The following LSM8 variants were observed in gnomAD, a reference collection of about 807,000 sequenced individuals.
LSM8 encodes the protein LSM8 U6 small nuclear RNA associated.
In LSM8, 14 loss-of-function variants were observed where a neutral mutation model predicts 15.0. The ratio of observed to expected loss-of-function variants is 0.93; its 90% confidence interval spans 0.62 to 1.46. The LOEUF is 1.46. LSM8 is among the 40% of genes most tolerant of loss of function. The pLI, the probability that LSM8 is intolerant of heterozygous loss-of-function variation, is 0.00. For synonymous variants in LSM8, 50 were observed against 42.1 expected, an observed-to-expected ratio of 1.19 and a Z score of -0.73; for missense variants, 90 against 115.4, an observed-to-expected ratio of 0.78 and a Z score of 1.01.
chr7:118,192,900 T>C lies in LSM8; in HGVS notation c.*898T>C, dbSNP rs1248501416. 6.6e-6 allele frequency: 1 copy of C among 152,174 alleles called. No homozygotes were observed. Among genetic ancestry groups the C allele is most frequent in the Admixed American group, 6.5e-5 (1 of 15,280 alleles). 9.4% of individuals were successfully genotyped at this position (152,174 alleles called of 1,614,324 possible). A position where few individuals can be genotyped will look rare whatever the true frequency, so the allele number is the denominator to read the frequency against. ...AAACCTGATTTCAGAAGACGTCAAC[T>C]CAGTTTTTTAAATAATTGAAAGAAA... On this transcript the variant is annotated 3_prime_UTR_variant, in exon 4 of 4. Transcript: ENST00000249299.
At position 118,203,610 on chromosome 7, in the gene LSM8, A is replaced by G; in HGVS notation, c.*11608A>G. On this transcript the variant is annotated 3_prime_UTR_variant, in exon 4 of 4. Coordinates refer to ENST00000249299, the MANE Select transcript of LSM8 (RefSeq NM_016200.5). Reference sequence around the variant, plus strand: ...AAGTCAGTGATGTCTCCAAAAGGCAAAGGGAAGTGTACCAATTTTTGGAGC... The same window carrying G: ...AAGTCAGTGATGTCTCCAAAAGGCAGAGGGAAGTGTACCAATTTTTGGAGC... Among the ~76,000 whole-genome samples the G allele has an allele frequency of 6.6e-6, 1 of 151,912 alleles. No individual in the cohort carries two copies. Among genetic ancestry groups the G allele is most frequent in the African/African-American group, 2.4e-5 (1 of 41,526 alleles).
chr7:118,196,572 A>T lies in LSM8; in HGVS notation c.*4570A>T, dbSNP rs1360402606. ...AAGGAGCTGAGAATTGTTCTTCCAGATACCTTTCCGACCTCTTCTTGGTTT... is the reference window on the plus strand; with the variant it reads ...AAGGAGCTGAGAATTGTTCTTCCAGTTACCTTTCCGACCTCTTCTTGGTTT... On this transcript the variant is annotated 3_prime_UTR_variant, in exon 4 of 4. Coordinates refer to ENST00000249299, the MANE Select transcript of LSM8 (RefSeq NM_016200.5). Among the ~76,000 whole-genome samples the T allele has an allele frequency of 2.0e-5, 3 of 151,696 alleles. No homozygotes were observed. Among genetic ancestry groups the T allele is most frequent in the Non-Finnish European group, 4.4e-5 (3 of 67,942 alleles).
In LSM8 at chr7:118,200,437, A is replaced by C. The variant is rs1309664467; in HGVS notation, c.*8435A>C. Among the ~76,000 whole-genome samples the C allele has an allele frequency of 6.6e-6, 1 of 152,136 alleles. No homozygotes were observed. Among genetic ancestry groups the C allele is most frequent in the Non-Finnish European group, 1.5e-5 (1 of 68,004 alleles). The stretch of plus-strand genomic sequence containing the variant: ...GGTTTTTCAGAGCAATATTCACATG[A>C]CATCTTTCGGATCTGGAATCTTAAT... On this transcript the variant is annotated 3_prime_UTR_variant, in exon 4 of 4. Transcript: ENST00000249299.
In LSM8 at chr7:118,194,839, TA is replaced by T. The variant is rs1264034373; in HGVS notation, c.*2838del. Among the ~76,000 whole-genome samples, 1 of 152,104 alleles carries T rather than the reference TA, an allele frequency of 6.6e-6. No individual in the cohort carries two copies. Among genetic ancestry groups the T allele is most frequent in the Non-Finnish European group, 1.5e-5 (1 of 68,000 alleles). On this transcript the variant is annotated 3_prime_UTR_variant, in exon 4 of 4. Coordinates refer to ENST00000249299, the MANE Select transcript of LSM8 (RefSeq NM_016200.5). ...TAGTAGGTAGTATTTATTGAGTGCATATCATGTGCCAGGCCTGGTGCTGAGT... is the reference window on the plus strand; with the variant it reads ...TAGTAGGTAGTATTTATTGAGTGCATTCATGTGCCAGGCCTGGTGCTGAGT...
rs2115915980 is a variant in LSM8 at position 118,188,305 on chromosome 7, A to G, written c.100A>G (p.Ile34Val). 1 of 1,613,670 alleles carries G rather than the reference A, an allele frequency of 6.2e-7. No individual in the cohort carries two copies. The highest frequency in any genetic ancestry group is 2.2e-5 in the East Asian group (1 of 44,854). Residue 34 changes from isoleucine to valine, a missense_variant, in exon 3 of 4, where the codon ATT (isoleucine) becomes GTT (valine). Transcript: ENST00000249299. ...AACACTGAAAGGTTTTGACCAGACCATTAATTTGATTTTGGATGAAAGCCA... is the reference window on the plus strand; with the variant it reads ...AACACTGAAAGGTTTTGACCAGACCGTTAATTTGATTTTGGATGAAAGCCA... ...VGTLKGFDQTINLILDESHER... is the reference protein window; with the variant it reads ...VGTLKGFDQTVNLILDESHER...
At chr7:118,188,523 A>T in intron 3 of LSM8, 118 bp downstream of exon 3, 1 of 909,988 alleles carries the variant, frequency 1.1e-6, no homozygotes, top group Admixed American at 3.3e-5. Flanking sequence ...TCTTGCATTC[A>T]TTTCTTTCGT....
chr7:118,199,716 A>G lies in LSM8; in HGVS notation c.*7714A>G, dbSNP rs1359823396. Among the ~76,000 whole-genome samples, 1 of 152,144 alleles carries G rather than the reference A, an allele frequency of 6.6e-6. No homozygotes were observed. Among genetic ancestry groups the G allele is most frequent in the African/African-American group, 2.4e-5 (1 of 41,454 alleles). On this transcript the variant is annotated 3_prime_UTR_variant, in exon 4 of 4. Coordinates refer to ENST00000249299, the MANE Select transcript of LSM8 (RefSeq NM_016200.5). ...AGATGTAACCAAAGACTTAAAAGAT[A>G]CTAGTCTTTAAGACAGGCTTTGAGA...
intron 2 of LSM8, 39 bp from the exon 3 acceptor site, chr7:118,188,239 A>G: frequency 1.2e-6 from 2 of 1,605,466 alleles, no homozygotes; most frequent in South Asian, 2.2e-5. Context: ...CAGGTAAACC[A>G]GAATATTTCT....
Position 118,201,043 on chromosome 7 carries a change from G to A in LSM8, c.*9041G>A, listed in dbSNP as rs143970196. Among the ~76,000 whole-genome samples, 52 of 152,100 alleles carry A rather than the reference G, an allele frequency of 3.4e-4. No individual in the cohort carries two copies. Among genetic ancestry groups the A allele is most frequent in the African/African-American group, 1.2e-3 (50 of 41,526 alleles). On this transcript the variant is annotated 3_prime_UTR_variant, in exon 4 of 4. Transcript: ENST00000249299. ...CTTGTGCTAGGTTGTAGTTTTGCTT[G>A]TATCACTCATAGTTACTAAAAATGC...
At chr7:118,191,735 G>T in intron 3 of LSM8, 177 bp from the exon 4 acceptor site, 1 of 532,854 alleles carries the variant, frequency 1.9e-6, no homozygotes, top group Non-Finnish European at 3.3e-6. Flanking sequence ...ACTTAAATAT[G>T]CAGTTCACTG....
intron 2 of LSM8, among the ~76,000 whole-genome samples, chr7:118,186,158 A>C (rs994255787): frequency 2.0e-5 from 3 of 151,770 alleles, no homozygotes; most frequent in African/African-American, 7.3e-5. Flanking sequence ...CATTATGATG[A>C]TTGACTCTCT....
chr7:118,184,477 C>A (rs1808849731), intron 1 of LSM8: 1 of 457,812 alleles, frequency 2.2e-6, no homozygotes, highest in Non-Finnish European at 3.8e-6. Flanking sequence ...CAAATAAAAA[C>A]CCAGTGTGAT....
chr7:118,202,106 G>A lies in LSM8; in HGVS notation c.*10104G>A, dbSNP rs559426109. Among the ~76,000 whole-genome samples, 1 of 152,192 alleles carries A rather than the reference G, an allele frequency of 6.6e-6. No individual in the cohort carries two copies. The highest frequency in any genetic ancestry group is 1.9e-4 in the East Asian group (1 of 5,186). ...CATTCTGGCTGACTGCCTCATCAAT[G>A]CTATTTAATAACAGAATTCTGGGGA... On this transcript the variant is annotated 3_prime_UTR_variant, in exon 4 of 4. Transcript: ENST00000249299.
chr7:118,194,067 G>GT lies in LSM8; in HGVS notation c.*2069dup, dbSNP rs1412686243. Among the ~76,000 whole-genome samples, 1 of 152,088 alleles carries GT rather than the reference G, an allele frequency of 6.6e-6. No individual in the cohort carries two copies. The highest frequency in any genetic ancestry group is 2.4e-5 in the African/African-American group (1 of 41,442). The stretch of plus-strand genomic sequence containing the variant: ...CCTGGATACAAGCACATGGTGGACT[G>GT]TTTTCTCACAACCGATTAAAATTGG... On this transcript the variant is annotated 3_prime_UTR_variant, in exon 4 of 4. Coordinates refer to ENST00000249299, the MANE Select transcript of LSM8 (RefSeq NM_016200.5).
chr7:118,184,174 T>G lies in LSM8; in HGVS notation c.-50T>G. The G allele has an allele frequency of 7.1e-6, 11 of 1,544,272 alleles. No homozygotes were observed. Among genetic ancestry groups the G allele is most frequent in the Non-Finnish European group, 9.6e-6 (11 of 1,143,898 alleles). On this transcript the variant is annotated 5_prime_UTR_variant, in exon 1 of 4. Transcript: ENST00000249299. ...GGGTTCTGGCGCGCCCTTTCAGTTC[T>G]GCTTGCTGTCGGCACCGCTGCGTTA...
At chr7:118,185,753 A>G in intron 2 of LSM8, 59 bp downstream of exon 2, 1 of 1,477,056 alleles carries the variant, frequency 6.8e-7, no homozygotes, top group Non-Finnish European at 9.5e-7. Flanking sequence ...TGCAAGTTTT[A>G]TGTGAAACCT....
intron 1 of LSM8, chr7:118,184,594 T>C (rs367872289): frequency 1.0e-3 from 229 of 219,496 alleles, no homozygotes; most frequent in African/African-American, 4.9e-3. Context: ...ACAGTCGTCC[T>C]GGCGGCGACA....
chr7:118,185,085 T>A (rs1196304455), intron 1 of LSM8: 2 of 152,172 alleles, frequency 1.3e-5, no homozygotes, highest in Non-Finnish European at 2.9e-5. Context: ...CGAAATATCC[T>A]GCCTGAAATA....
At position 118,197,433 on chromosome 7, in the gene LSM8, C is replaced by CTT. The variant is rs35291838; in HGVS notation, c.*5431_*5432insTT. Among the ~76,000 whole-genome samples the CTT allele has an allele frequency of 0.7, 105,399 of 151,628 alleles. 36,829 individuals are homozygous for CTT. Among genetic ancestry groups the CTT allele is most frequent in the South Asian group, 0.82 (3,926 of 4,810 alleles). On this transcript the variant is annotated 3_prime_UTR_variant, in exon 4 of 4. Transcript: ENST00000249299. Reference sequence around the variant, plus strand: ...ATATATGAAAATATGCACAAGCTATCATGTTTCATCTCATATCAACAAAAT... The same window carrying CTT: ...ATATATGAAAATATGCACAAGCTATCTTATGTTTCATCTCATATCAACAAAAT...
Sources: allele counts gnomAD v4.1 joint callset (sites outside exome capture counted in the v4.1 genomes callset), GRCh38; gene constraint gnomAD v4.1.1; transcripts MANE v1.5; gene names NCBI Gene and HGNC (gene_info 2026-07-23, HGNC 2026-07-21).